GRM5: variants seen among roughly 807,000 people sequenced by gnomAD.
GRM5 encodes the protein glutamate metabotropic receptor 5.
Under a neutral mutation model 83.1 loss-of-function variants are expected in GRM5, and 19 were observed. That is an observed-to-expected ratio of 0.23 (90% confidence interval 0.16 to 0.34). The LOEUF (loss-of-function observed/expected upper bound fraction) is 0.34, where lower values mean the gene tolerates loss of function less well. Among genes scored for constraint, GRM5 ranks in the 10% least tolerant of loss-of-function variants. GRM5 has a pLI of 1.00. For missense variants in GRM5, 1,160 were observed against 1,588.3 expected, an observed-to-expected ratio of 0.73 and a Z score of 4.58; for synonymous variants, 675 against 633.6, an observed-to-expected ratio of 1.07 and a Z score of -0.98.
At chr11:88,772,787 T>C (rs2135451889) in intron 3 of GRM5, among the ~76,000 whole-genome samples, 1 of 152,312 alleles carries the variant, frequency 6.6e-6, no homozygotes, top group Non-Finnish European at 1.5e-5. Flanking sequence ...ACTCATCCTT[T>C]TTTATGGCTG....
chr11:88,667,842 G>A (rs530877383), intron 3 of GRM5, among the ~76,000 whole-genome samples: 14 of 151,858 alleles, frequency 9.2e-5, no homozygotes, highest in African/African-American at 2.7e-4. Flanking sequence ...GCAGTGAGCC[G>A]AGATTGAGCT....
At position 88,507,256 on chromosome 11, in the gene GRM5, CTT is replaced by C. The variant is rs542478844; in HGVS notation, c.*1334_*1335del. On this transcript the variant is annotated 3_prime_UTR_variant, in exon 10 of 10. Coordinates refer to ENST00000305447, the MANE Select transcript of GRM5 (RefSeq NM_001143831.3). ...AAAGAAAATAAGAATTGCTTTGCCTCTTTTTGGAATGGCTAAGAAAGACTGTG... is the reference window on the plus strand; with the variant it reads ...AAAGAAAATAAGAATTGCTTTGCCTCTTTGGAATGGCTAAGAAAGACTGTG... 6.6e-6 allele frequency: 1 copy of C among 152,126 alleles called. No homozygotes were observed. Among genetic ancestry groups the C allele is most frequent in the Non-Finnish European group, 1.5e-5 (1 of 68,012 alleles). The allele number at this position is 152,126 out of a possible 1,614,324, so 9.4% of individuals were successfully genotyped here.
At chr11:88,543,960 C>T (rs959667477) in intron 8 of GRM5, among the ~76,000 whole-genome samples, 14 of 152,030 alleles carry the variant, frequency 9.2e-5, no homozygotes, top group Non-Finnish European at 1.9e-4. Flanking sequence ...TGTGAGGGCT[C>T]TGCCCTCACG....
At chr11:88,640,211 C>T (rs1038241276) in intron 4 of GRM5, among the ~76,000 whole-genome samples, 7 of 152,124 alleles carry the variant, frequency 4.6e-5, no homozygotes, top group African/African-American at 1.7e-4. Flanking sequence ...GATATGAAGA[C>T]ACAAATGGGC....
chr11:89,042,802 C>T (rs1941562990), intron 2 of GRM5, among the ~76,000 whole-genome samples: 1 of 148,258 alleles, frequency 6.7e-6, no homozygotes, highest in Admixed American at 6.7e-5. Context: ...ATTGTTATCA[C>T]ATTTTTAAGT....
At chr11:88,893,165 A>T (rs1945177036) in intron 2 of GRM5, among the ~76,000 whole-genome samples, 1 of 151,914 alleles carries the variant, frequency 6.6e-6, no homozygotes, top group African/African-American at 2.4e-5. Context: ...AGAAAAGAAA[A>T]AAGAAGTATG....
chr11:88,719,855 A>G (rs1456505015), intron 3 of GRM5, among the ~76,000 whole-genome samples: 1 of 152,078 alleles, frequency 6.6e-6, no homozygotes, highest in Non-Finnish European at 1.5e-5. Flanking sequence ...GGCTGCATGC[A>G]TGTCTTCTTT....
At chr11:88,530,377 A>G (rs1941979859) in intron 8 of GRM5, among the ~76,000 whole-genome samples, 1 of 151,968 alleles carries the variant, frequency 6.6e-6, no homozygotes, top group South Asian at 2.1e-4. Flanking sequence ...AACTCTCACA[A>G]TAGATTTAAT....
chr11:88,514,025 T>C (rs1368182297), intron 9 of GRM5, among the ~76,000 whole-genome samples: 2 of 152,070 alleles, frequency 1.3e-5, no homozygotes, highest in Non-Finnish European at 2.9e-5. Context: ...CTATGGCACG[T>C]CACCTTCCCT....
chr11:88,901,127 G>C (rs1945307957), intron 2 of GRM5, among the ~76,000 whole-genome samples: 1 of 152,070 alleles, frequency 6.6e-6, no homozygotes, highest in African/African-American at 2.4e-5. Context: ...AGCCCTAGAG[G>C]AATGCTGATG....
chr11:88,708,594 G>GA (rs1360314490), intron 3 of GRM5, among the ~76,000 whole-genome samples: 1 of 151,840 alleles, frequency 6.6e-6, no homozygotes, highest in Non-Finnish European at 1.5e-5. Flanking sequence ...TCTACAGCAG[G>GA]GATTTAGTGA....
At chr11:88,867,041 C>A (rs1219428798) in intron 2 of GRM5, among the ~76,000 whole-genome samples, 1 of 152,022 alleles carries the variant, frequency 6.6e-6, no homozygotes, top group African/African-American at 2.4e-5. Flanking sequence ...TTTCTGAGGC[C>A]TCTATTCTGT....
intron 1 of GRM5, among the ~76,000 whole-genome samples, chr11:89,054,179 G>T (rs529594521): frequency 6.6e-6 from 1 of 152,270 alleles, no homozygotes; most frequent in Non-Finnish European, 1.5e-5. Context: ...GATGATAGTC[G>T]TTGGATTGGA....
At chr11:89,026,205 T>A (rs1941126959) in intron 2 of GRM5, among the ~76,000 whole-genome samples, 1 of 152,168 alleles carries the variant, frequency 6.6e-6, no homozygotes, top group South Asian at 2.1e-4. Context: ...ATCTACTCAC[T>A]GGGTACTATG....
chr11:88,987,992 G>A (rs11767051), intron 2 of GRM5, among the ~76,000 whole-genome samples: 3 of 151,356 alleles, frequency 2.0e-5, no homozygotes, highest in African/African-American at 4.9e-5. Flanking sequence ...CACCAGCAAC[G>A]GAACAAAGCT....
At chr11:88,746,080 G>T (rs1216543618) in intron 3 of GRM5, among the ~76,000 whole-genome samples, 2 of 152,022 alleles carry the variant, frequency 1.3e-5, no homozygotes, top group East Asian at 3.9e-4. Context: ...AGCCCCCTTT[G>T]GTTCCAACCT....
chr11:89,023,336 A>G (rs1463302870), intron 2 of GRM5, among the ~76,000 whole-genome samples: 2 of 151,944 alleles, frequency 1.3e-5, no homozygotes, highest in East Asian at 1.9e-4. Flanking sequence ...TCTCTTCTCC[A>G]TACTTCCCAG....
intron 4 of GRM5, among the ~76,000 whole-genome samples, chr11:88,648,208 G>A (rs1439622315): frequency 6.0e-5 from 9 of 150,932 alleles, no homozygotes; most frequent in Non-Finnish European, 8.9e-5. Context: ...GCACACGTAT[G>A]TTTATTGCGG....
At position 89,047,832 on chromosome 11, in the gene GRM5, T is replaced by G; in HGVS notation, c.41A>C (p.Glu14Ala). 6.2e-7 allele frequency: 1 copy of G among 1,614,042 alleles called. No individual in the cohort carries two copies. ...LLILSVLLLK[E>A]DVRGSAQSSE... Reference sequence around the variant, plus strand: ...GGACTGTGCACTCCCACGGACATCTTCTTTCAAAAGTAAGACTGACAGGAT... The same window carrying G: ...GGACTGTGCACTCCCACGGACATCTGCTTTCAAAAGTAAGACTGACAGGAT... The change falls in exon 2 of 10, where the codon GAA (glutamate) becomes GCA (alanine). Residue 14 changes from glutamate (E) to alanine (A), a missense_variant. Physicochemically the swap from Glu to Ala is moderately radical, Grantham distance 107. This residue lies in a region of GRM5 where 71 missense variants were observed against 145.8 expected (regional missense o/e 0.49). Transcript: ENST00000305447. This position sits in a 1 kb window ranked among gnomAD's most constrained non-coding sequence, Gnocchi z 5.1.
Sources: gnomAD v4.1 joint callset for allele counts (sites outside exome capture counted in the v4.1 genomes callset) on GRCh38, gnomAD v4.1.1 for gene constraint, gnomAD v4.1.1 regional missense constraint, Gnocchi (gnomAD v3.1) non-coding constraint, MANE v1.5 for transcripts, NCBI Gene and HGNC (gene_info 2026-07-23, HGNC 2026-07-21) for gene names.